CYP3A4: variants seen among roughly 807,000 people sequenced by gnomAD.
The protein encoded by CYP3A4 is cytochrome P450 3A4.
In CYP3A4, 41 loss-of-function variants were observed where a neutral mutation model predicts 54.9. The ratio of observed to expected loss-of-function variants is 0.75; its 90% confidence interval spans 0.58 to 0.97. CYP3A4 has a LOEUF of 0.97. Ranked by LOEUF, CYP3A4 falls within the 50% of genes least tolerant of loss-of-function variation. The probability of loss-of-function intolerance (pLI) is 0.00; values close to 1 mark genes in which losing one functional copy is unlikely to be tolerated. For synonymous variants in CYP3A4, 179 were observed against 205.2 expected, an observed-to-expected ratio of 0.87 and a Z score of 1.09; for missense variants, 510 against 597.3, an observed-to-expected ratio of 0.85 and a Z score of 1.52.
chr7:99,759,205 T>C lies in CYP3A4; in HGVS notation c.1417-977A>G, dbSNP rs187071828. Reference sequence around the variant, plus strand: ...ATTTCTGTCTTCTTCCTCTCCTATATAGAAAGCCTACTTAAGGGGTGGAAT... The same window carrying C: ...ATTTCTGTCTTCTTCCTCTCCTATACAGAAAGCCTACTTAAGGGGTGGAAT... On this transcript the variant is annotated intron_variant, in intron 12 of 12. Transcript: ENST00000651514. Among the ~76,000 whole-genome samples the C allele has an allele frequency of 2.7e-3, 413 of 152,334 alleles. 1 individual carries two copies. Among genetic ancestry groups the C allele is most frequent in the South Asian group, 9.3e-3 (45 of 4,822 alleles).
intron 1 of CYP3A4, 101 bp downstream of exon 1, chr7:99,783,910 G>A: frequency 7.2e-7 from 1 of 1,384,494 alleles, no homozygotes; most frequent in South Asian, 1.2e-5. Context: ...CGCCCGGCCT[G>A]AACATCTTTT....
chr7:99,770,898 AT>A (rs919832972), intron 4 of CYP3A4, among the ~76,000 whole-genome samples: 2 of 151,938 alleles, frequency 1.3e-5, no homozygotes, highest in South Asian at 2.1e-4. Context: ...TTCCATAGCC[AT>A]TTTTTTTATA....
Position 99,767,184 on chromosome 7 carries a change from A to C in CYP3A4, c.745T>G (p.Leu249Val). 2 of 1,611,834 alleles carry C rather than the reference A, an allele frequency of 1.2e-6. No homozygotes were observed. Among genetic ancestry groups the C allele is most frequent in the Non-Finnish European group, 1.7e-6 (2 of 1,178,640 alleles). Reference sequence around the variant, plus strand: ...TTCATCCTTTTTACAGATTTTCTTAAAAAATTTGTAACTTCTCTTGGAAAC... The same window carrying C: ...TTCATCCTTTTTACAGATTTTCTTACAAAATTTGTAACTTCTCTTGGAAAC... ...CVFPREVTNF[L>V]RKSVKRMKES... The change falls in exon 8 of 13, where the codon TTA becomes GTA. Residue 249 changes from leucine to valine, a missense_variant. Transcript: ENST00000651514.
At position 99,767,119 on chromosome 7, in the gene CYP3A4, A is replaced by G. The variant is rs58256382; in HGVS notation, c.798+12T>C. On this transcript the variant is annotated intron_variant, in intron 8 of 12. Coordinates refer to ENST00000651514, the MANE Select transcript of CYP3A4 (RefSeq NM_017460.6). ...AACTAAACATCCTCCTATAACTACC[A>G]CCACATTTTACCTTTTGTGTATCTT... The G allele has an allele frequency of 4.0e-5, 65 of 1,606,070 alleles. No homozygotes were observed. The African/African-American group carries it at 7.8e-4, about 19-fold the overall frequency.
chr7:99,775,349 T>G (rs1038784698), intron 3 of CYP3A4, among the ~76,000 whole-genome samples: 1 of 152,058 alleles, frequency 6.6e-6, no homozygotes, highest in African/African-American at 2.4e-5. Flanking sequence ...TACTTTAAAG[T>G]TCATATGGAA....
At chr7:99,765,445 T>A (rs557149665) in intron 9 of CYP3A4, among the ~76,000 whole-genome samples, 1 of 152,158 alleles carries the variant, frequency 6.6e-6, no homozygotes, top group South Asian at 2.1e-4. Context: ...GATAGATGGA[T>A]AAATGATAGA....
chr7:99,776,823 C>T (rs1165939938), intron 3 of CYP3A4, among the ~76,000 whole-genome samples: 4 of 151,896 alleles, frequency 2.6e-5, no homozygotes, highest in African/African-American at 4.8e-5. Context: ...TGCATGTAAC[C>T]CAGAACTTAA....
intron 3 of CYP3A4, among the ~76,000 whole-genome samples, chr7:99,775,203 AATGGAAGAACATTCC>A (rs1177094313): frequency 6.6e-6 from 1 of 152,162 alleles, no homozygotes; most frequent in African/African-American, 2.4e-5. Flanking sequence ...GACACAAACA[AATGGAAGAACATTCC>A]ATGCTCATGG....
At chr7:99,767,344 C>A in intron 7 of CYP3A4, 86 bp from the exon 8 acceptor site, 1 of 1,209,576 alleles carries the variant, frequency 8.3e-7, no homozygotes, top group East Asian at 2.5e-5. Flanking sequence ...TTTTCTCTAC[C>A]AACCAGAAGA....
chr7:99,762,414 T>A (rs1815362031), intron 10 of CYP3A4, 147 bp from the exon 11 acceptor site: 1 of 1,165,772 alleles, frequency 8.6e-7, no homozygotes, highest in Non-Finnish European at 1.2e-6. Flanking sequence ...TTTTAATAAC[T>A]GTCATGCCCA....
intron 4 of CYP3A4, 84 bp from the exon 5 acceptor site, chr7:99,770,319 T>G: frequency 1.6e-6 from 2 of 1,276,910 alleles, no homozygotes. Flanking sequence ...ACAGGAACAC[T>G]TATTCAACAA....
intron 11 of CYP3A4, 50 bp downstream of exon 11, chr7:99,761,991 G>T: frequency 6.7e-7 from 1 of 1,496,694 alleles, no homozygotes; most frequent in Non-Finnish European, 9.3e-7. Context: ...GGCAGAATAT[G>T]CTTGAACCAG....
In CYP3A4 at chr7:99,762,286, A is replaced by G. The variant is rs776827032; in HGVS notation, c.1027-19T>C. 1 of 1,612,532 alleles carries G rather than the reference A, an allele frequency of 6.2e-7. No homozygotes were observed. Among genetic ancestry groups the G allele is most frequent in the Admixed American group, 1.7e-5 (1 of 59,854 alleles). On this transcript the variant is annotated intron_variant, in intron 10 of 12. Coordinates refer to ENST00000651514, the MANE Select transcript of CYP3A4 (RefSeq NM_017460.6). Reference sequence around the variant, plus strand: ...GTGGTGCCTGGAAAGAACGAAACAGATTTGGATAAATTGAGATTTTGAATT... The same window carrying G: ...GTGGTGCCTGGAAAGAACGAAACAGGTTTGGATAAATTGAGATTTTGAATT...
At chr7:99,779,381 T>C (rs944185256) in intron 2 of CYP3A4, among the ~76,000 whole-genome samples, 1 of 152,194 alleles carries the variant, frequency 6.6e-6, no homozygotes, top group Non-Finnish European at 1.5e-5. Context: ...CCCTTTGTTC[T>C]GTCTCTCAAA....
At chr7:99,766,909 A>G in intron 8 of CYP3A4, 1 of 433,834 alleles carries the variant, frequency 2.3e-6, no homozygotes. Flanking sequence ...GTTGTGTCTG[A>G]TATCAAATTT....
intron 2 of CYP3A4, among the ~76,000 whole-genome samples, chr7:99,779,015 C>G (rs1258367840): frequency 6.6e-6 from 1 of 152,176 alleles, no homozygotes. Context: ...AAAGAGCTGA[C>G]TGCTGCGGCT....
chr7:99,784,109 T>A lies in CYP3A4; in HGVS notation c.-28A>T, dbSNP rs753325328. The A allele has an allele frequency of 6.3e-7, 1 of 1,598,756 alleles. No individual in the cohort carries two copies. Among genetic ancestry groups the A allele is most frequent in the Non-Finnish European group, 8.6e-7 (1 of 1,166,222 alleles). ...CTACTTTCCTTACTTATCTCTCTCC[T>A]CTGAGTCTTCCTTTCAGCTCTGTGT... is the stretch of plus-strand genomic sequence containing the variant. On this transcript the variant is annotated 5_prime_UTR_variant, in exon 1 of 13. Transcript: ENST00000651514.
chr7:99,777,542 A>G (rs1815803288), intron 3 of CYP3A4, among the ~76,000 whole-genome samples: 1 of 151,262 alleles, frequency 6.6e-6, no homozygotes, highest in Non-Finnish European at 1.5e-5. Flanking sequence ...AAATAAATCA[A>G]AGAAGGCTAT....
intron 6 of CYP3A4, 118 bp downstream of exon 6, chr7:99,769,650 C>G (rs1187981364): frequency 8.6e-7 from 1 of 1,159,314 alleles, no homozygotes; most frequent in Admixed American, 1.9e-5. Flanking sequence ...GTTGCATTAC[C>G]ACAGCCCTCC....
Sources: allele counts gnomAD v4.1 joint callset (sites outside exome capture counted in the v4.1 genomes callset), GRCh38; gene constraint gnomAD v4.1.1; transcripts MANE v1.5; gene names NCBI Gene and HGNC (gene_info 2026-07-23, HGNC 2026-07-21).